Variants in ANKFN1 observed in about 807,000 individuals in gnomAD.
ANKFN1 encodes the protein ankyrin repeat and fibronectin type III domain containing 1, also known as ankyrin repeat and fibronectin type-III domain-containing protein 1.
In ANKFN1, 74 loss-of-function variants were observed where a neutral mutation model predicts 108.7. The observed-to-expected ratio is 0.68, with a 90% CI of 0.56 to 0.83. The LOEUF (loss-of-function observed/expected upper bound fraction) is 0.83, where lower values mean the gene tolerates loss of function less well. ANKFN1 is among the 40% of genes least tolerant of loss of function. ANKFN1 has a pLI of 0.00. For missense variants in ANKFN1, 1,505 were observed against 1,382.3 expected, an observed-to-expected ratio of 1.09 and a Z score of -1.41; for synonymous variants, 547 against 516.2, an observed-to-expected ratio of 1.06 and a Z score of -0.81.
intron 8 of ANKFN1, among the ~76,000 whole-genome samples, chr17:56,420,410 T>C (rs1438875769): frequency 6.6e-6 from 1 of 152,236 alleles, no homozygotes; most frequent in Non-Finnish European, 1.5e-5. Flanking sequence ...AGTGGCAAAG[T>C]TGGCAAACTA....
chr17:56,515,560 T>TA lies in ANKFN1; in HGVS notation c.*4293dup, dbSNP rs1157501723. ...GTTCAAACACATGGCTTATGACTGTTAAGCTAAACTTCAATGCGGCCTTAC... is the reference window on the plus strand; with the variant it reads ...GTTCAAACACATGGCTTATGACTGTTAAAGCTAAACTTCAATGCGGCCTTAC... On this transcript the variant is annotated 3_prime_UTR_variant, in exon 21 of 21. Coordinates refer to ENST00000682825, the MANE Select transcript of ANKFN1 (RefSeq NM_001370326.1). Among the ~76,000 whole-genome samples, 2 of 152,338 alleles carry TA rather than the reference T, an allele frequency of 1.3e-5. No individual in the cohort carries two copies. Among genetic ancestry groups the TA allele is most frequent in the East Asian group, 1.9e-4 (1 of 5,188 alleles).
chr17:56,387,752 A>C (rs1231382962), intron 8 of ANKFN1, among the ~76,000 whole-genome samples: 1 of 152,112 alleles, frequency 6.6e-6, no homozygotes, highest in Non-Finnish European at 1.5e-5. Flanking sequence ...TGTTTCATGC[A>C]GTTTGACTTG....
chr17:56,303,690 T>C (rs1412941184), intron 3 of ANKFN1, among the ~76,000 whole-genome samples: 1 of 151,968 alleles, frequency 6.6e-6, no homozygotes, highest in East Asian at 1.9e-4. Context: ...TTTTTTTAAT[T>C]ATTATTTTTT....
chr17:56,457,704 A>G (rs1471758473), intron 13 of ANKFN1, among the ~76,000 whole-genome samples, 159 bp from the exon 14 acceptor site: 3 of 152,194 alleles, frequency 2.0e-5, no homozygotes, highest in African/African-American at 2.4e-5. Context: ...TCTTTTTCCA[A>G]TTGGACAGAG....
chr17:56,393,208 G>A (rs538766452), intron 8 of ANKFN1, among the ~76,000 whole-genome samples: 2 of 152,228 alleles, frequency 1.3e-5, no homozygotes, highest in African/African-American at 4.8e-5. Flanking sequence ...ATACCTCTGA[G>A]GAATCCACCT....
chr17:56,340,723 A>G (rs1464670817), intron 4 of ANKFN1, among the ~76,000 whole-genome samples: 1 of 152,090 alleles, frequency 6.6e-6, no homozygotes, highest in Non-Finnish European at 1.5e-5. Context: ...TTATAGTTCA[A>G]AGTTGGGTAG....
chr17:56,223,172 G>GT (rs1916005585), intron 2 of ANKFN1, among the ~76,000 whole-genome samples: 1 of 152,126 alleles, frequency 6.6e-6, no homozygotes, highest in Non-Finnish European at 1.5e-5. Flanking sequence ...ATGGATAAAA[G>GT]TTTATATGCT....
At chr17:56,099,680 A>G (rs1244843933) in intron 4 of ANKFN1, among the ~76,000 whole-genome samples, 1 of 152,230 alleles carries the variant, frequency 6.6e-6, no homozygotes, top group Non-Finnish European at 1.5e-5. Context: ...GGCAGAATCT[A>G]AGGAGAAGGA....
At chr17:56,316,172 G>A (rs1441257395) in intron 3 of ANKFN1, among the ~76,000 whole-genome samples, 1 of 152,128 alleles carries the variant, frequency 6.6e-6, no homozygotes, top group East Asian at 1.9e-4. Context: ...AGTGCAGATG[G>A]CCTTTATAAT....
chr17:56,258,638 C>T (rs575352917), intron 3 of ANKFN1, among the ~76,000 whole-genome samples: 11 of 152,126 alleles, frequency 7.2e-5, no homozygotes, highest in African/African-American at 1.2e-4. Flanking sequence ...AGGTCAGGCG[C>T]GGTGGCTCAT....
intron 3 of ANKFN1, among the ~76,000 whole-genome samples, chr17:56,252,878 A>G (rs963455687): frequency 6.6e-6 from 1 of 151,286 alleles, no homozygotes; most frequent in Non-Finnish European, 1.5e-5. Context: ...TGGGCAACAT[A>G]GTGAGACCCC....
chr17:56,478,620 C>A (rs538298136), intron 16 of ANKFN1, among the ~76,000 whole-genome samples: 2 of 151,956 alleles, frequency 1.3e-5, no homozygotes, highest in East Asian at 3.9e-4. Context: ...AACTTTACAA[C>A]CCTCATAGCA....
chr17:56,153,662 G>A lies in ANKFN1; in HGVS notation c.-71+132G>A, dbSNP rs1908818681. 4 of 1,247,526 alleles carry A rather than the reference G, an allele frequency of 3.2e-6. No homozygotes were observed. The South Asian group carries it at 5.0e-5, about 16-fold the overall frequency. 77.3% of individuals were successfully genotyped at this position (1,247,526 alleles called of 1,614,324 possible). A position where few individuals can be genotyped will look rare whatever the true frequency, so the allele number is the denominator to read the frequency against. On this transcript the variant is annotated intron_variant, in intron 1 of 20. Transcript: ENST00000682825. ...TTAGCTGGTGAGCATCCATGGTCAG[G>A]CAGAGGGAAAGCTGGTTTCATTTCT...
chr17:56,330,382 G>A lies in ANKFN1; in HGVS notation c.188+4027G>A, dbSNP rs1396909844. ...CCATGAGAATGGTATGGGGGAAACC[G>A]CCCCCACGATTCAATTATCTCCACC... On this transcript the variant is annotated intron_variant, in intron 4 of 20. Coordinates refer to ENST00000682825, the MANE Select transcript of ANKFN1 (RefSeq NM_001370326.1). Among the ~76,000 whole-genome samples the A allele has an allele frequency of 5.9e-5, 9 of 152,204 alleles. No homozygotes were observed. The South Asian group carries it at 8.3e-4, about 14-fold the overall frequency.
intron 8 of ANKFN1, among the ~76,000 whole-genome samples, chr17:56,414,208 T>C (rs1041762340): frequency 6.6e-6 from 1 of 152,118 alleles, no homozygotes; most frequent in Non-Finnish European, 1.5e-5. Context: ...ACTCATAGGG[T>C]AAGTTAGAGA....
At chr17:56,214,821 A>G (rs1044390062) in intron 2 of ANKFN1, among the ~76,000 whole-genome samples, 1 of 152,190 alleles carries the variant, frequency 6.6e-6, no homozygotes, top group African/African-American at 2.4e-5. Flanking sequence ...GGTTTCCATT[A>G]TCTGCTGTTG....
chr17:56,244,086 A>G (rs1453947176), intron 3 of ANKFN1, among the ~76,000 whole-genome samples: 1 of 152,096 alleles, frequency 6.6e-6, no homozygotes, highest in Non-Finnish European at 1.5e-5. Context: ...TGAGTGGCAT[A>G]CATAGAATGT....
At chr17:56,196,536 C>T (rs1913525093) in intron 1 of ANKFN1, among the ~76,000 whole-genome samples, 1 of 151,990 alleles carries the variant, frequency 6.6e-6, no homozygotes, top group South Asian at 2.1e-4. Context: ...GAATTCTAGA[C>T]CAGTCTGGGA....
At chr17:56,502,733 T>G (rs1388635935) in intron 20 of ANKFN1, among the ~76,000 whole-genome samples, 1 of 152,234 alleles carries the variant, frequency 6.6e-6, no homozygotes, top group African/African-American at 2.4e-5. Context: ...GGGCAAAGTT[T>G]GCAGCATAAT....
Sources: gnomAD v4.1 joint callset for allele counts (sites outside exome capture counted in the v4.1 genomes callset) on GRCh38, gnomAD v4.1.1 for gene constraint, MANE v1.5 for transcripts, NCBI Gene and HGNC (gene_info 2026-07-23, HGNC 2026-07-21) for gene names.